Variants in PCSK6 observed in about 807,000 individuals in gnomAD.
PCSK6 encodes proprotein convertase subtilisin/kexin type 6.
A neutral mutation model predicts 123.3 loss-of-function variants in PCSK6; 85 were observed. The ratio of observed to expected loss-of-function variants is 0.69; its 90% CI spans 0.58 to 0.83. PCSK6 has a LOEUF of 0.83. Ranked by LOEUF, PCSK6 falls within the 40% of genes least tolerant of loss-of-function variation. PCSK6 has a pLI of 0.00. For missense variants in PCSK6, 1,191 were observed against 1,282.3 expected (o/e 0.93, Z 1.09); for synonymous variants, 508 against 516.0 (o/e 0.98, Z 0.21).
chr15:101,488,598 T>C (rs1473198571), intron 1 of PCSK6, among the ~76,000 whole-genome samples: 7 of 152,028 alleles, frequency 4.6e-5, no homozygotes, highest in African/African-American at 1.7e-4. Context: ...GGTGTAGACA[T>C]TGCCACTGAC....
intron 3 of PCSK6, 172 bp from the exon 4 acceptor site, chr15:101,431,635 T>G: frequency 1.3e-6 from 1 of 792,556 alleles, no homozygotes; most frequent in East Asian, 2.7e-5. Flanking sequence ...TCGAGAATCA[T>G]GCAGACGGCT....
intron 4 of PCSK6, among the ~76,000 whole-genome samples, chr15:101,430,993 C>G (rs1203056907): frequency 6.6e-6 from 1 of 152,178 alleles, no homozygotes; most frequent in African/African-American, 2.4e-5. Context: ...CCCGTGTTTT[C>G]ACACTGTCAC....
At chr15:101,479,767 T>C (rs886734327) in intron 1 of PCSK6, among the ~76,000 whole-genome samples, 2 of 152,046 alleles carry the variant, frequency 1.3e-5, no homozygotes, top group East Asian at 3.9e-4. Context: ...AGGCAGCCCC[T>C]CCCTTCCCCT....
intron 1 of PCSK6, among the ~76,000 whole-genome samples, chr15:101,454,089 G>C (rs770374629): frequency 2.0e-5 from 3 of 152,226 alleles, no homozygotes; most frequent in Non-Finnish European, 4.4e-5. Context: ...ACTTGGCCAA[G>C]GGAGGTCATG....
chr15:101,458,262 G>A (rs183902041), intron 1 of PCSK6, among the ~76,000 whole-genome samples: 4 of 152,326 alleles, frequency 2.6e-5, no homozygotes, highest in Admixed American at 1.3e-4. Flanking sequence ...ATAGGGACGT[G>A]AAACCCAACT....
intron 13 of PCSK6, among the ~76,000 whole-genome samples, chr15:101,352,897 T>C (rs2040934314): frequency 6.6e-6 from 1 of 152,204 alleles, no homozygotes; most frequent in Admixed American, 6.5e-5. Context: ...GGAAAAACCC[T>C]TAAAACCAAG....
At position 101,473,640 on chromosome 15, in the gene PCSK6, G is replaced by A. The variant is rs531772020; in HGVS notation, c.297+15734C>T. 3.0e-4 allele frequency among the ~76,000 whole-genome samples: 45 copies of A among 152,342 alleles called. 1 individual carries two copies. The South Asian group carries it at 9.1e-3, about 31-fold the overall frequency. Reference sequence around the variant, plus strand: ...TCTTGTGCTAAAATGAATGGTTGTAGGCCGAGGTGGGTGGATCACCTGAGG... The same window carrying A: ...TCTTGTGCTAAAATGAATGGTTGTAAGCCGAGGTGGGTGGATCACCTGAGG... On this transcript the variant is annotated intron_variant, in intron 1 of 21. Transcript: ENST00000611716.
intron 16 of PCSK6, among the ~76,000 whole-genome samples, chr15:101,325,905 G>C (rs2040241598): frequency 6.6e-6 from 1 of 152,196 alleles, no homozygotes; most frequent in Non-Finnish European, 1.5e-5. Context: ...GGGCTCTCTG[G>C]GGAGGTGCCA....
At chr15:101,413,024 G>GAGGAGT (rs56075511) in intron 6 of PCSK6, among the ~76,000 whole-genome samples, 39,879 of 147,860 alleles carry the variant, frequency 0.27, 5,578 homozygotes, top group African/African-American at 0.32. Flanking sequence ...GGAGGAGGAG[G>GAGGAGT]AGGAGGAGGA....
At chr15:101,455,813 A>G (rs1360049348) in intron 1 of PCSK6, among the ~76,000 whole-genome samples, 1 of 152,256 alleles carries the variant, frequency 6.6e-6, no homozygotes, top group East Asian at 1.9e-4. Flanking sequence ...GGCAGCTGTC[A>G]TGACTTCACC....
At chr15:101,318,853 C>T (rs1232198141) in intron 18 of PCSK6, among the ~76,000 whole-genome samples, 1 of 152,230 alleles carries the variant, frequency 6.6e-6, no homozygotes, top group Non-Finnish European at 1.5e-5. Context: ...TGGCCCTGAA[C>T]CCCAACCCGC....
chr15:101,484,223 A>T (rs918062113), intron 1 of PCSK6, among the ~76,000 whole-genome samples: 6 of 152,282 alleles, frequency 3.9e-5, no homozygotes, highest in Admixed American at 3.9e-4. Context: ...AAAGCAGTAC[A>T]CTGCAGATAA....
chr15:101,348,654 A>C (rs2040809348), intron 13 of PCSK6, among the ~76,000 whole-genome samples: 1 of 152,226 alleles, frequency 6.6e-6, no homozygotes, highest in Non-Finnish European at 1.5e-5. Context: ...GAAACTCCTC[A>C]TAAAGGATTT....
At chr15:101,369,862 C>T (rs375466760) in intron 12 of PCSK6, among the ~76,000 whole-genome samples, 11 of 152,208 alleles carry the variant, frequency 7.2e-5, no homozygotes, top group African/African-American at 1.9e-4. Flanking sequence ...TCTGTATTCC[C>T]GGGACAGGCC....
intron 1 of PCSK6, among the ~76,000 whole-genome samples, chr15:101,483,276 G>A (rs1458774955): frequency 6.6e-6 from 1 of 152,210 alleles, no homozygotes; most frequent in African/African-American, 2.4e-5. Context: ...TAAGGCTTCG[G>A]CTTGTTTTTC....
intron 1 of PCSK6, among the ~76,000 whole-genome samples, chr15:101,452,795 T>C (rs1459884507): frequency 8.0e-6 from 1 of 125,030 alleles, no homozygotes; most frequent in Admixed American, 8.5e-5. Flanking sequence ...TAGGGGCCCT[T>C]ACAACTGATA....
At chr15:101,318,744 G>A (rs908349383) in intron 18 of PCSK6, among the ~76,000 whole-genome samples, 1 of 152,244 alleles carries the variant, frequency 6.6e-6, no homozygotes, top group Admixed American at 6.5e-5. Context: ...GTGGAGCTGT[G>A]TGGGTCATCA....
chr15:101,392,817 T>C (rs1442093988), intron 8 of PCSK6, among the ~76,000 whole-genome samples: 1 of 152,160 alleles, frequency 6.6e-6, no homozygotes, highest in Non-Finnish European at 1.5e-5. Context: ...TGTCTCAGTA[T>C]AAAACCAAGT....
At position 101,325,510 on chromosome 15, in the gene PCSK6, G is replaced by A. The variant is rs1041245127; in HGVS notation, c.2181-464C>T. Among the ~76,000 whole-genome samples, 5 of 152,310 alleles carry A rather than the reference G, an allele frequency of 3.3e-5. No homozygotes were observed. The East Asian group carries it at 7.7e-4, about 24-fold the overall frequency. On this transcript the variant is annotated intron_variant, in intron 16 of 21. Transcript: ENST00000611716. ...GCACCCGGCTTGACCTTGCACGGCC[G>A]CACCCGTGCCTGAGCCCTCATGGGT... is the stretch of plus-strand genomic sequence containing the variant.
Sources: allele counts gnomAD v4.1 joint callset (sites outside exome capture counted in the v4.1 genomes callset), GRCh38; gene constraint gnomAD v4.1.1; transcripts MANE v1.5; gene names NCBI Gene and HGNC (gene_info 2026-07-23, HGNC 2026-07-21).